Variants in FLT1 observed in about 807,000 individuals in gnomAD.
FLT1 encodes vascular endothelial growth factor receptor 1.
A neutral mutation model predicts 156.3 loss-of-function variants in FLT1; 49 were observed. That is an observed-to-expected ratio of 0.31 (90% CI 0.25 to 0.40). The LOEUF (loss-of-function observed/expected upper bound fraction) is 0.40. Among genes scored for constraint, FLT1 ranks in the 10% least tolerant of loss-of-function variants. FLT1 has a pLI of 1.00. For missense variants in FLT1, 1,322 were observed against 1,637.2 expected (o/e 0.81, Z 3.32); for synonymous variants, 594 against 583.8 (o/e 1.02, Z -0.25).
chr13:28,302,983 C>G lies in FLT1; in HGVS notation c.*184G>C, dbSNP rs1290946556. Reference sequence around the variant, plus strand: ...GTGTTCTTCACTTGTCACTATTTCTCTATCTGGAGTTACATTCTTGTTAGT... The same window carrying G: ...GTGTTCTTCACTTGTCACTATTTCTGTATCTGGAGTTACATTCTTGTTAGT... On this transcript the variant is annotated 3_prime_UTR_variant, in exon 30 of 30. Transcript: ENST00000282397. 3.3e-6 allele frequency: 2 copies of G among 602,068 alleles called. No homozygotes were observed. The highest frequency in any genetic ancestry group is 2.9e-5 in the Admixed American group (1 of 33,948). 37.3% of individuals were successfully genotyped at this position (602,068 alleles called of 1,614,324 possible). A position where few individuals can be genotyped will look rare whatever the true frequency, so the allele number is the denominator to read the frequency against.
Position 28,322,378 on chromosome 13 carries a change from G to A in FLT1, c.2954-19C>T, listed in dbSNP as rs539875661. The A allele has an allele frequency of 1.2e-4, 170 of 1,456,180 alleles. 1 individual carries two copies. In the South Asian group the frequency reaches 1.7e-3, roughly 14 times the overall value. The allele number at this position is 1,456,180 out of a possible 1,614,324, so 90.2% of individuals were successfully genotyped here. A position where few individuals can be genotyped will look rare whatever the true frequency, so the allele number is the denominator to read the frequency against. ...TCAGAATCTGGAAAGCATTAGAACC[G>A]TAACTGTTTGTAATGGCTCTTGTTA... On this transcript the variant is annotated intron_variant, in intron 21 of 29. Coordinates refer to ENST00000282397, the MANE Select transcript of FLT1 (RefSeq NM_002019.4). This position sits in a 1 kb window ranked among gnomAD's most constrained non-coding sequence, Gnocchi z 4.3.
chr13:28,372,566 G>GTATATATATATAATATATATATATA (rs1873656200), intron 14 of FLT1, among the ~76,000 whole-genome samples: 1 of 91,478 alleles, frequency 1.1e-5, no homozygotes, highest in Non-Finnish European at 2.2e-5. Context: ...TAAATAAAAT[G>GTATATATATATAATATATATATATA]TATATATATA....
chr13:28,394,423 G>A (rs1874920025), intron 12 of FLT1, among the ~76,000 whole-genome samples: 1 of 152,118 alleles, frequency 6.6e-6, no homozygotes, highest in Non-Finnish European at 1.5e-5. Flanking sequence ...TGTACAATAT[G>A]GTGAGAGGTA....
chr13:28,372,112 C>T (rs1164630234), intron 14 of FLT1, among the ~76,000 whole-genome samples: 6 of 107,912 alleles, frequency 5.6e-5, no homozygotes, highest in Non-Finnish European at 8.8e-5. Flanking sequence ...GACAGAGTCT[C>T]GCTCTCTTTC....
intron 3 of FLT1, among the ~76,000 whole-genome samples, chr13:28,454,047 G>A (rs1470739671): frequency 6.6e-6 from 1 of 152,086 alleles, no homozygotes; most frequent in South Asian, 2.1e-4. Flanking sequence ...GGGGAGTGGG[G>A]AAGGGTGGAA....
At chr13:28,340,388 AC>A (rs952996448) in intron 16 of FLT1, among the ~76,000 whole-genome samples, 7 of 152,024 alleles carry the variant, frequency 4.6e-5, no homozygotes, top group African/African-American at 1.7e-4. Flanking sequence ...CCCAGAAAAT[AC>A]CCTTCATTTC....
In FLT1 at chr13:28,306,680, A is replaced by T; in HGVS notation, c.3813T>A (p.Ile1271=). 6.2e-7 allele frequency: 1 copy of T among 1,608,466 alleles called. No homozygotes were observed. Among genetic ancestry groups the T allele is most frequent in the Non-Finnish European group, 8.5e-7 (1 of 1,174,910 alleles). ...TDSKPKASLK[I]DLRVTSKSKE... ...CAGAAAAGATACCCAATTCTTACTCAATCTTGAGCGAGGCCTTGGGTTTGC... is the reference window on the plus strand; with the variant it reads ...CAGAAAAGATACCCAATTCTTACTCTATCTTGAGCGAGGCCTTGGGTTTGC... The change falls in exon 29 of 30, where the codon ATT becomes ATA. Residue 1271 remains isoleucine (I), a splice_region_variant and synonymous_variant. Coordinates refer to ENST00000282397, the MANE Select transcript of FLT1 (RefSeq NM_002019.4).
At chr13:28,318,401 A>G (rs761583421) in intron 24 of FLT1, among the ~76,000 whole-genome samples, 1 of 151,782 alleles carries the variant, frequency 6.6e-6, no homozygotes, top group Non-Finnish European at 1.5e-5. Flanking sequence ...ACTGCCCAGG[A>G]TTCCCCTGCA....
chr13:28,462,823 A>T (rs1255478767), intron 3 of FLT1, among the ~76,000 whole-genome samples: 1 of 152,128 alleles, frequency 6.6e-6, no homozygotes, highest in Non-Finnish European at 1.5e-5. Flanking sequence ...ACCAAAGTGA[A>T]CTCAGGACAC....
chr13:28,399,715 C>T lies in FLT1; in HGVS notation c.1552-2647G>A, dbSNP rs1249661980. ...GACAGAAATGTATTGAATTTTTCTT[C>T]TTTTGTGTGAATGACACCTTCCAAA... On this transcript the variant is annotated intron_variant, in intron 11 of 29. Coordinates refer to ENST00000282397, the MANE Select transcript of FLT1 (RefSeq NM_002019.4). Among the ~76,000 whole-genome samples the T allele has an allele frequency of 7.2e-5, 11 of 152,298 alleles. 1 individual carries two copies. The East Asian group carries it at 1.3e-3, about 19-fold the overall frequency.
chr13:28,394,909 C>T (rs1874950375), intron 12 of FLT1, among the ~76,000 whole-genome samples: 2 of 152,170 alleles, frequency 1.3e-5, no homozygotes, highest in Non-Finnish European at 2.9e-5. Flanking sequence ...AGTATTCACA[C>T]CTTTGGGTCT....
At chr13:28,419,689 C>T (rs910794434) in intron 10 of FLT1, among the ~76,000 whole-genome samples, 8 of 152,220 alleles carry the variant, frequency 5.3e-5, no homozygotes, top group Admixed American at 1.3e-4. Flanking sequence ...ACCATTCTCG[C>T]TAACATGGCG....
rs554349064 is a variant in FLT1, at chr13:28,490,520, A to C, written c.64+4260T>G. Among the ~76,000 whole-genome samples the C allele has an allele frequency of 3.9e-5, 6 of 152,218 alleles. No individual in the cohort carries two copies. The South Asian group carries it at 1.2e-3, about 32-fold the overall frequency. ...TCCTCCAATTTCCTTCCCCTCCCTC[A>C]ATCTGGTATAAAATCCAGCAATTTA... On this transcript the variant is annotated intron_variant, in intron 1 of 29. Coordinates refer to ENST00000282397, the MANE Select transcript of FLT1 (RefSeq NM_002019.4).
Position 28,308,871 on chromosome 13 carries a change from A to G in FLT1, c.3692T>C (p.Leu1231Pro), listed in dbSNP as rs767014384. 1 of 1,612,940 alleles carries G rather than the reference A, an allele frequency of 6.2e-7. No individual in the cohort carries two copies. Among genetic ancestry groups the G allele is most frequent in the East Asian group, 2.2e-5 (1 of 44,866 alleles). Residue 1231 changes from leucine (L) to proline (P), a missense_variant, in exon 28 of 30, where the codon CTT becomes CCT. Physicochemically the swap from Leu to Pro is moderately conservative, Grantham distance 98 (BLOSUM62 -3). Coordinates refer to ENST00000282397, the MANE Select transcript of FLT1 (RefSeq NM_002019.4). ...AAACATGGAGGTGGCATTCGGTAAA[A>G]GTTCTTCAAAGGTTTTGATTCTTTC... ...SLERIKTFEE[L>P]LPNATSMFDD...
chr13:28,469,097 A>T (rs1286190278), intron 1 of FLT1, among the ~76,000 whole-genome samples: 1 of 151,942 alleles, frequency 6.6e-6, no homozygotes, highest in Non-Finnish European at 1.5e-5. Context: ...GGCAGCTGCA[A>T]TGCCTCCGAA....
chr13:28,330,689 C>A (rs1871893335), intron 18 of FLT1, among the ~76,000 whole-genome samples: 1 of 149,852 alleles, frequency 6.7e-6, no homozygotes, highest in Non-Finnish European at 1.5e-5. Context: ...GAGACTTTTT[C>A]TCTTCTTTTT....
At chr13:28,311,948 G>A (rs763429331) in intron 26 of FLT1, 45 bp downstream of exon 26, 1 of 1,321,856 alleles carries the variant, frequency 7.6e-7, no homozygotes, top group Admixed American at 1.7e-5. Flanking sequence ...ATGCCCCCCT[G>A]ACGTACATTC....
chr13:28,355,533 G>C (rs114650498), intron 15 of FLT1, among the ~76,000 whole-genome samples: 1 of 152,296 alleles, frequency 6.6e-6, no homozygotes, highest in East Asian at 1.9e-4. Flanking sequence ...CGGGGATTGA[G>C]AGAGCAGAGA....
chr13:28,341,560 G>A (rs761692853), intron 16 of FLT1, among the ~76,000 whole-genome samples: 1 of 152,222 alleles, frequency 6.6e-6, no homozygotes, highest in African/African-American at 2.4e-5. Context: ...AGTCTGGTAT[G>A]TAGTAAGCCT....
Sources: gnomAD v4.1 joint callset for allele counts (sites outside exome capture counted in the v4.1 genomes callset) on GRCh38, gnomAD v4.1.1 for gene constraint, Gnocchi (gnomAD v3.1) non-coding constraint, MANE v1.5 for transcripts, NCBI Gene and HGNC (gene_info 2026-07-23, HGNC 2026-07-21) for gene names.